Variants in VIL1 observed in about 807,000 individuals in gnomAD.
VIL1 encodes villin 1, also known as villin-1.
In VIL1, 86 loss-of-function variants were observed where a neutral mutation model predicts 104.0. That is an observed-to-expected ratio of 0.83 (90% confidence interval 0.69 to 0.99). The LOEUF (loss-of-function observed/expected upper bound fraction) is 0.99. Ranked by LOEUF, VIL1 falls within the 50% of genes least tolerant of loss-of-function variation. The probability of loss-of-function intolerance (pLI) is 0.00; values close to 1 mark genes in which losing one functional copy is unlikely to be tolerated. For missense variants in VIL1, 944 were observed against 1,054.1 expected, an observed-to-expected ratio of 0.90 and a Z score of 1.45; for synonymous variants, 394 against 412.6, an observed-to-expected ratio of 0.95 and a Z score of 0.55.
intron 4 of VIL1, among the ~76,000 whole-genome samples, chr2:218,427,427 C>A (rs2106391174): frequency 6.6e-6 from 1 of 151,236 alleles, no homozygotes; most frequent in South Asian, 2.1e-4. Context: ...TGGGTTCAAG[C>A]AATTCTTCTG....
At chr2:218,442,138 G>A (rs1303690083) in intron 19 of VIL1, among the ~76,000 whole-genome samples, 1 of 152,196 alleles carries the variant, frequency 6.6e-6, no homozygotes, top group Non-Finnish European at 1.5e-5. Context: ...TCATGGTGGA[G>A]GAGGTGGAGA....
In VIL1 at chr2:218,451,990, A is replaced by G. The variant is rs1260873492; in HGVS notation, c.*2654A>G. On this transcript the variant is annotated 3_prime_UTR_variant, in exon 20 of 20. Transcript: ENST00000248444. ...ACATGTGAATATATCCCTACGAAAC[A>G]GTCTATCTTCTCATAGGCTTAAATT... 1 of 152,762 alleles carries G rather than the reference A, an allele frequency of 6.5e-6. No homozygotes were observed. Among genetic ancestry groups the G allele is most frequent in the East Asian group, 1.9e-4 (1 of 5,194 alleles). The allele number at this position is 152,762 out of a possible 1,614,324, so 9.5% of individuals were successfully genotyped here.
At chr2:218,443,320 T>A (rs1689313527) in intron 19 of VIL1, among the ~76,000 whole-genome samples, 1 of 151,268 alleles carries the variant, frequency 6.6e-6, no homozygotes, top group African/African-American at 2.4e-5. Context: ...TGCCTCAGAC[T>A]CCAAGTAGCT....
intron 19 of VIL1, among the ~76,000 whole-genome samples, chr2:218,447,029 G>A (rs1475703875): frequency 1.3e-5 from 2 of 152,140 alleles, no homozygotes; most frequent in Non-Finnish European, 2.9e-5. Context: ...CTCCCAAAGT[G>A]TTGGGATTAC....
chr2:218,428,334 C>T lies in VIL1; in HGVS notation c.564C>T (p.Leu188=). The T allele has an allele frequency of 6.2e-7, 1 of 1,613,770 alleles. No individual in the cohort carries two copies. Among genetic ancestry groups the T allele is most frequent in the Non-Finnish European group, 8.5e-7 (1 of 1,179,662 alleles). ...NGPESTRMER[L]RGMTLAKEIR... ...CGGAAAGCACCCGTATGGAGAGACT[C>T]AGGGTAAACCTGCCCATGCACCACA... The change falls in exon 6 of 20, where the codon CTC becomes CTT. Residue 188 remains leucine (L), a synonymous_variant. Coordinates refer to ENST00000248444, the MANE Select transcript of VIL1 (RefSeq NM_007127.3).
intron 4 of VIL1, among the ~76,000 whole-genome samples, chr2:218,426,315 C>T (rs1689002267): frequency 6.6e-6 from 1 of 151,900 alleles, no homozygotes; most frequent in Non-Finnish European, 1.5e-5. Context: ...AGTACAGTGG[C>T]ACAGTCTTGG....
chr2:218,423,135 C>T (rs552897807), intron 1 of VIL1, among the ~76,000 whole-genome samples: 1 of 152,356 alleles, frequency 6.6e-6, no homozygotes, highest in African/African-American at 2.4e-5. Context: ...GTGGCTCATG[C>T]CTGTAATCCC....
chr2:218,421,297 A>T (rs981093892), intron 1 of VIL1, among the ~76,000 whole-genome samples: 2 of 152,050 alleles, frequency 1.3e-5, no homozygotes, highest in Non-Finnish European at 2.9e-5. Context: ...GTTTAGGTGG[A>T]TGGAAGGGCA....
In VIL1 at chr2:218,429,339, G is replaced by A. The variant is rs1367975165; in HGVS notation, c.622G>A (p.Val208Ile). 1.2e-6 allele frequency: 2 copies of A among 1,614,136 alleles called. No homozygotes were observed. Among genetic ancestry groups the A allele is most frequent in the Middle Eastern group, 1.6e-4 (1 of 6,062 alleles). ...RDQERGGRTY[V>I]GVVDGENELA... ...CCAGGAGCGGGGAGGGCGCACCTAT[G>A]TAGGCGTGGTGGACGGAGAGAATGA... is the stretch of plus-strand genomic sequence containing the variant. Residue 208 changes from valine (V) to isoleucine (I), a missense_variant, in exon 7 of 20, where the codon GTA becomes ATA. Coordinates refer to ENST00000248444, the MANE Select transcript of VIL1 (RefSeq NM_007127.3).
At position 218,437,049 on chromosome 2, in the gene VIL1, T is replaced by C. The variant is rs970796442; in HGVS notation, c.1972-75T>C. ...CAGGGTCAAGGTCAGGGTTTCACTG[T>C]TGGACAACTGAGGCAGAGCCCTGTG... On this transcript the variant is annotated intron_variant, in intron 16 of 19. Transcript: ENST00000248444. The C allele has an allele frequency of 3.8e-5, 58 of 1,543,982 alleles. No homozygotes were observed. In the African/African-American group the frequency reaches 6.3e-4, roughly 17 times the overall value.
rs972966637 is a variant in VIL1 at position 218,432,066 on chromosome 2, A to G, written c.1224A>G (p.Leu408=). 6.3e-5 allele frequency: 102 copies of G among 1,613,956 alleles called. No individual in the cohort carries two copies. Among genetic ancestry groups the G allele is most frequent in the Non-Finnish European group, 8.5e-5 (100 of 1,180,000 alleles). ...GEVQVWRIEN[L]ELVPVDSKWL... The stretch of plus-strand genomic sequence containing the variant: ...CCTAGGTGTGGCGCATTGAGAACCT[A>G]GAGCTGGTACCTGTGGATTCCAAGT... The change falls in exon 12 of 20, where the codon CTA becomes CTG. Residue 408 remains leucine (L), a synonymous_variant. Transcript: ENST00000248444.
In VIL1 at chr2:218,452,602, C is replaced by A. The variant is rs542393471; in HGVS notation, c.*3266C>A. 6.6e-6 allele frequency: 1 copy of A among 152,218 alleles called. No homozygotes were observed. Among genetic ancestry groups the A allele is most frequent in the East Asian group, 1.9e-4 (1 of 5,180 alleles). The allele number at this position is 152,218 out of a possible 1,614,324, so 9.4% of individuals were successfully genotyped here. On this transcript the variant is annotated 3_prime_UTR_variant, in exon 20 of 20. Coordinates refer to ENST00000248444, the MANE Select transcript of VIL1 (RefSeq NM_007127.3). ...TGAGATAACTTATATATTCCAATAA[C>A]CTATTTTCAACAACTCCTGCCCAAG...
chr2:218,420,591 T>G (rs1224732951), intron 1 of VIL1, among the ~76,000 whole-genome samples: 26 of 148,704 alleles, frequency 1.7e-4, no homozygotes, highest in Non-Finnish European at 2.8e-4. Context: ...TTTTTTTTTT[T>G]TGTTTTTTTT....
rs1176433187 is a variant in VIL1, at chr2:218,452,570, T to C, written c.*3234T>C. On this transcript the variant is annotated 3_prime_UTR_variant, in exon 20 of 20. Coordinates refer to ENST00000248444, the MANE Select transcript of VIL1 (RefSeq NM_007127.3). The stretch of plus-strand genomic sequence containing the variant: ...TTTGAGTCCCAAACATGCAAGTACA[T>C]GAGCAGTGAGATAACTTATATATTC... 1 of 152,140 alleles carries C rather than the reference T, an allele frequency of 6.6e-6. No homozygotes were observed. The highest frequency in any genetic ancestry group is 1.5e-5 in the Non-Finnish European group (1 of 68,046). The allele number at this position is 152,140 out of a possible 1,614,324, so 9.4% of individuals were successfully genotyped here.
intron 4 of VIL1, among the ~76,000 whole-genome samples, chr2:218,427,309 A>C (rs1574812933): frequency 7.2e-6 from 1 of 139,384 alleles, no homozygotes. Flanking sequence ...TTCTGTCCCT[A>C]TTTATTAATA....
chr2:218,427,970 G>T lies in VIL1; in HGVS notation c.353G>T (p.Arg118Leu), dbSNP rs776390089. The T allele has an allele frequency of 2.5e-6, 4 of 1,613,848 alleles. No individual in the cohort carries two copies. The highest frequency in any genetic ancestry group is 1.6e-4 in the Middle Eastern group (1 of 6,084). Residue 118 changes from arginine (R) to leucine (L), a missense_variant, in exon 5 of 20, where the codon CGG (arginine) becomes CTG (leucine). Arg to Leu is a moderately radical substitution (Grantham distance 102). Transcript: ENST00000248444. ...RGYFKQGLVI[R>L]KGGVASGMKH... The stretch of plus-strand genomic sequence containing the variant: ...CAGCTCACCTCTCTTCTCAGGATCC[G>T]GAAAGGGGGCGTGGCTTCTGGCATG...
intron 19 of VIL1, among the ~76,000 whole-genome samples, chr2:218,444,342 C>T (rs1178655931): frequency 2.0e-5 from 3 of 151,656 alleles, no homozygotes; most frequent in African/African-American, 4.8e-5. Context: ...TGCAGTGGCA[C>T]GATCTCGGTT....
In VIL1 at chr2:218,428,318, C is replaced by T; in HGVS notation, c.548C>T (p.Thr183Ile). ...ATCCAGTGGAATGGACCGGAAAGCA[C>T]CCGTATGGAGAGACTCAGGGTAAAC... ...LIIQWNGPES[T>I]RMERLRGMTL... The change falls in exon 6 of 20, where the codon ACC becomes ATC. Residue 183 changes from threonine to isoleucine, a missense_variant. Coordinates refer to ENST00000248444, the MANE Select transcript of VIL1 (RefSeq NM_007127.3). The T allele has an allele frequency of 6.2e-7, 1 of 1,614,142 alleles. No individual in the cohort carries two copies. Among genetic ancestry groups the T allele is most frequent in the South Asian group, 1.1e-5 (1 of 91,074 alleles).
intron 3 of VIL1, among the ~76,000 whole-genome samples, chr2:218,425,112 G>A (rs778926483): frequency 1.7e-4 from 26 of 150,086 alleles, no homozygotes; most frequent in African/African-American, 4.4e-4. Context: ...ACAGAGTCTC[G>A]CTCTGTCGCC....
Sources: gnomAD v4.1 joint callset for allele counts (sites outside exome capture counted in the v4.1 genomes callset) on GRCh38, gnomAD v4.1.1 for gene constraint, MANE v1.5 for transcripts, NCBI Gene and HGNC (gene_info 2026-07-23, HGNC 2026-07-21) for gene names.